Variants in IGDCC3 observed in about 807,000 individuals in gnomAD.
IGDCC3 encodes the protein immunoglobulin superfamily DCC subclass member 3.
Under a neutral mutation model 72.0 loss-of-function variants are expected in IGDCC3, and 47 were observed. The ratio of observed to expected loss-of-function variants is 0.65; its 90% CI spans 0.52 to 0.83. The LOEUF (loss-of-function observed/expected upper bound fraction) is 0.83, where lower values mean the gene tolerates loss of function less well. IGDCC3 is among the 40% of genes least tolerant of loss of function. The pLI is 0.00. For missense variants in IGDCC3, 1,038 were observed against 1,091.3 expected (o/e 0.95, Z 0.69); for synonymous variants, 477 against 472.8 (o/e 1.01, Z -0.11).
chr15:65,372,684 G>A (rs947323853), intron 2 of IGDCC3, among the ~76,000 whole-genome samples: 3 of 152,134 alleles, frequency 2.0e-5, no homozygotes, highest in African/African-American at 4.8e-5. Context: ...TGAGGAGCAG[G>A]CAGAAGAAGC....
intron 2 of IGDCC3, among the ~76,000 whole-genome samples, chr15:65,352,869 G>A (rs369834307): frequency 6.6e-6 from 1 of 152,176 alleles, no homozygotes; most frequent in South Asian, 2.1e-4. Flanking sequence ...TACACTTATT[G>A]TTAAAGTCTA....
chr15:65,340,787 GGTGA>G (rs2091073849), intron 2 of IGDCC3, among the ~76,000 whole-genome samples: 3 of 152,240 alleles, frequency 2.0e-5, no homozygotes, highest in South Asian at 4.1e-4. Context: ...GCAGTGCAGT[GGTGA>G]GATCTCAGCT....
At chr15:65,375,445 T>C in intron 1 of IGDCC3, 43 bp from the exon 2 acceptor site, 1 of 1,495,404 alleles carries the variant, frequency 6.7e-7, no homozygotes, top group Non-Finnish European at 9.1e-7. Flanking sequence ...GGGGTGTTAG[T>C]ATGAAATGAA....
In IGDCC3 at chr15:65,329,360, CG is replaced by C. The variant is rs1394092613; in HGVS notation, c.2205+29del. On this transcript the variant is annotated intron_variant, in intron 13 of 13. Coordinates refer to ENST00000327987, the MANE Select transcript of IGDCC3 (RefSeq NM_004884.4). The surrounding 1 kb of genome is among the most constrained non-coding windows in gnomAD (Gnocchi z 4.1). ...AAGGTGGCAGTGTCAGAGCCTGAGG[CG>C]GGGGTTTGTTTAAGACATGGGCACT... 3.2e-6 allele frequency: 5 copies of C among 1,566,774 alleles called. No homozygotes were observed. The African/African-American group carries it at 5.5e-5, about 17-fold the overall frequency.
In IGDCC3 at chr15:65,377,885, C is replaced by A; in HGVS notation, c.-97G>T. 1 of 1,024,322 alleles carries A rather than the reference C, an allele frequency of 9.8e-7. No individual in the cohort carries two copies. The highest frequency in any genetic ancestry group is 1.2e-6 in the Non-Finnish European group (1 of 855,074). The allele number at this position is 1,024,322 out of a possible 1,614,324, so 63.5% of individuals were successfully genotyped here. On this transcript the variant is annotated 5_prime_UTR_variant, in exon 1 of 14. Coordinates refer to ENST00000327987, the MANE Select transcript of IGDCC3 (RefSeq NM_004884.4). The surrounding 1 kb of genome is among the most constrained non-coding windows in gnomAD (Gnocchi z 4.9). The stretch of plus-strand genomic sequence containing the variant: ...GCCGGCGCCGGGGCCGGGGCTGGGG[C>A]TCCGGCCGGGGCCGAGCCCAGGCGG...
chr15:65,347,825 G>A (rs951393165), intron 2 of IGDCC3, among the ~76,000 whole-genome samples: 42 of 152,190 alleles, frequency 2.8e-4, no homozygotes, highest in African/African-American at 1.0e-3. Flanking sequence ...CAGCCACTTG[G>A]GAGGCTGAGG....
chr15:65,368,853 T>G, intron 2 of IGDCC3, among the ~76,000 whole-genome samples: 1 of 149,676 alleles, frequency 6.7e-6, no homozygotes, highest in African/African-American at 2.5e-5. Context: ...ACAAGGGGGG[T>G]GGGGTGGGGA....
chr15:65,361,489 C>T (rs2091261223), intron 2 of IGDCC3, among the ~76,000 whole-genome samples: 1 of 151,712 alleles, frequency 6.6e-6, no homozygotes, highest in African/African-American at 2.4e-5. Flanking sequence ...GAAAAGAAAT[C>T]CCTGGCCTAC....
chr15:65,374,448 C>T (rs2091345670), intron 2 of IGDCC3, among the ~76,000 whole-genome samples: 1 of 152,200 alleles, frequency 6.6e-6, no homozygotes, highest in Non-Finnish European at 1.5e-5. Context: ...TCAAGCAGCA[C>T]AAGCAAAGCA....
At chr15:65,361,569 A>C (rs2091261757) in intron 2 of IGDCC3, among the ~76,000 whole-genome samples, 2 of 151,820 alleles carry the variant, frequency 1.3e-5, no homozygotes, top group South Asian at 2.1e-4. Context: ...CCCAGTTGAT[A>C]GGGGCGAGTT....
At chr15:65,365,647 GA>G (rs2091285084) in intron 2 of IGDCC3, among the ~76,000 whole-genome samples, 1 of 147,302 alleles carries the variant, frequency 6.8e-6, no homozygotes, top group Non-Finnish European at 1.5e-5. Flanking sequence ...TGCCCTCTTT[GA>G]ACCTTATCTT....
intron 6 of IGDCC3, 70 bp from the exon 7 acceptor site, chr15:65,332,176 CAG>C (rs2090984339): frequency 3.3e-6 from 5 of 1,528,116 alleles, no homozygotes; most frequent in East Asian, 2.3e-5. Flanking sequence ...AGGAAGGGAA[CAG>C]GGGATGGGAC....
intron 2 of IGDCC3, among the ~76,000 whole-genome samples, chr15:65,342,758 G>A (rs1484275708): frequency 1.3e-5 from 2 of 152,228 alleles, no homozygotes; most frequent in African/African-American, 2.4e-5. Flanking sequence ...CCCACGCTAG[G>A]GCTGTCACGC....
At chr15:65,335,631 A>G (rs2091021634) in intron 3 of IGDCC3, among the ~76,000 whole-genome samples, 181 bp downstream of exon 3, 1 of 152,094 alleles carries the variant, frequency 6.6e-6, no homozygotes, top group Non-Finnish European at 1.5e-5. Flanking sequence ...CCATGAGCCT[A>G]CAATCTGGGC....
chr15:65,335,235 GGGA>G (rs1377922424), intron 4 of IGDCC3, 53 bp downstream of exon 4: 27 of 1,556,560 alleles, frequency 1.7e-5, no homozygotes, highest in Middle Eastern at 1.8e-4. Context: ...TCTAAGGGTA[GGGA>G]GGAGGAGGAG....
At position 65,330,691 on chromosome 15, in the gene IGDCC3, G is replaced by C. The variant is rs2090968982; in HGVS notation, c.1612C>G (p.Gln538Glu). The change falls in exon 10 of 14, where the codon CAG (glutamine) becomes GAG (glutamate). Residue 538 changes from glutamine (Q) to glutamate (E), a missense_variant. Physicochemically the swap from Gln to Glu is conservative, Grantham distance 29. Coordinates refer to ENST00000327987, the MANE Select transcript of IGDCC3 (RefSeq NM_004884.4). ...SVRVLGSSSL[Q>E]LLWEPWPRLA... ...CGGGGCCAAGGCTCCCACAGCAGCTGCAAGGAGGAGCTGCCCAGGACTCGC... is the reference window on the plus strand; with the variant it reads ...CGGGGCCAAGGCTCCCACAGCAGCTCCAAGGAGGAGCTGCCCAGGACTCGC... 1 of 1,613,104 alleles carries C rather than the reference G, an allele frequency of 6.2e-7. No individual in the cohort carries two copies. Among genetic ancestry groups the C allele is most frequent in the African/African-American group, 1.3e-5 (1 of 74,918 alleles).
intron 6 of IGDCC3, among the ~76,000 whole-genome samples, chr15:65,332,762 C>T (rs1002874352): frequency 6.6e-5 from 10 of 152,226 alleles, no homozygotes; most frequent in Non-Finnish European, 1.2e-4. Flanking sequence ...AGCCAGAGGC[C>T]GATGGAAGGA....
At chr15:65,351,130 G>T (rs772972447) in intron 2 of IGDCC3, among the ~76,000 whole-genome samples, 1 of 152,154 alleles carries the variant, frequency 6.6e-6, no homozygotes, top group Admixed American at 6.5e-5. Flanking sequence ...AGTTAAAGTC[G>T]TATTATTCAG....
At chr15:65,351,116 C>T (rs961070789) in intron 2 of IGDCC3, among the ~76,000 whole-genome samples, 8 of 152,046 alleles carry the variant, frequency 5.3e-5, no homozygotes, top group Admixed American at 2.6e-4. Context: ...AACATATTGG[C>T]TAAAGTTAAA....
Sources: gnomAD v4.1 joint callset for allele counts (sites outside exome capture counted in the v4.1 genomes callset) on GRCh38, gnomAD v4.1.1 for gene constraint, Gnocchi (gnomAD v3.1) non-coding constraint, MANE v1.5 for transcripts, NCBI Gene and HGNC (gene_info 2026-07-23, HGNC 2026-07-21) for gene names.